The following ILKAP variants were observed in gnomAD, a reference collection of about 807,000 sequenced individuals.
ILKAP encodes the protein integrin-linked kinase-associated serine/threonine phosphatase 2C.
In ILKAP, 11 loss-of-function variants were observed where a neutral mutation model predicts 49.1. The observed-to-expected ratio is 0.22, with a 90% confidence interval of 0.14 to 0.37. The LOEUF is 0.37. Among genes scored for constraint, ILKAP ranks in the 10% least tolerant of loss-of-function variants. The pLI is 1.00. For synonymous variants in ILKAP, 186 were observed against 192.8 expected (o/e 0.96, Z 0.29); for missense variants, 363 against 510.8 (o/e 0.71, Z 2.79).
At chr2:238,183,464 A>G (rs555223575) in intron 8 of ILKAP, among the ~76,000 whole-genome samples, 189 bp downstream of exon 8, 2 of 152,352 alleles carry the variant, frequency 1.3e-5, no homozygotes, top group East Asian at 3.9e-4. Flanking sequence ...CCCAGAGAAC[A>G]AACAGCCTCT....
intron 2 of ILKAP, 23 bp downstream of exon 2, chr2:238,194,782 C>T: frequency 6.2e-7 from 1 of 1,612,030 alleles, no homozygotes; most frequent in Non-Finnish European, 8.5e-7. Context: ...TGACACACAC[C>T]TGGGAGAGCC....
At chr2:238,196,883 C>T (rs768669743) in intron 1 of ILKAP, among the ~76,000 whole-genome samples, 2 of 152,148 alleles carry the variant, frequency 1.3e-5, no homozygotes, top group Admixed American at 1.3e-4. Flanking sequence ...TAGAAGTATA[C>T]AAGAAGCAGA....
chr2:238,202,046 G>T (rs971766226), intron 1 of ILKAP, among the ~76,000 whole-genome samples: 1 of 152,090 alleles, frequency 6.6e-6, no homozygotes, highest in Non-Finnish European at 1.5e-5. Context: ...CCAACATGGT[G>T]AAACCCCGTC....
chr2:238,173,395 C>T (rs1238753134), intron 10 of ILKAP, 139 bp downstream of exon 10: 8 of 1,115,276 alleles, frequency 7.2e-6, no homozygotes, highest in African/African-American at 6.3e-5. Context: ...GCAGAAACCA[C>T]ATTTTGTTTA....
rs746224552 is a variant in ILKAP, at chr2:238,197,526, G to T, written c.56-2656C>A. On this transcript the variant is annotated intron_variant, in intron 1 of 11. Transcript: ENST00000254654. Reference sequence around the variant, plus strand: ...CCCATCTAAATCAGGTCTTTCCACTGCCACTGTACAAGGGAGGAAGTCTTC... The same window carrying T: ...CCCATCTAAATCAGGTCTTTCCACTTCCACTGTACAAGGGAGGAAGTCTTC... Among the ~76,000 whole-genome samples the T allele has an allele frequency of 5.5e-4, 83 of 152,152 alleles. 2 individuals carry two copies. Among genetic ancestry groups the T allele is most frequent in the Admixed American group, 3.3e-4 (5 of 15,264 alleles).
intron 1 of ILKAP, among the ~76,000 whole-genome samples, chr2:238,197,672 G>T (rs944605933): frequency 6.6e-6 from 1 of 152,082 alleles, no homozygotes; most frequent in African/African-American, 2.4e-5. Context: ...GTCAGATGGT[G>T]CCCCAAACTG....
intron 1 of ILKAP, 145 bp from the exon 2 acceptor site, chr2:238,195,015 A>G: frequency 1.6e-6 from 1 of 623,324 alleles, no homozygotes. Flanking sequence ...CAAATTTTTA[A>G]AACATATTTT....
chr2:238,184,604 G>A (rs527275639), intron 6 of ILKAP, among the ~76,000 whole-genome samples: 1 of 151,968 alleles, frequency 6.6e-6, no homozygotes, highest in African/African-American at 2.4e-5. Context: ...CTGTCACCCA[G>A]GCTGCAGTGC....
At chr2:238,176,784 T>TA (rs1559289526) in intron 9 of ILKAP, among the ~76,000 whole-genome samples, 1 of 152,222 alleles carries the variant, frequency 6.6e-6, no homozygotes, top group African/African-American at 2.4e-5. Flanking sequence ...TGCATGTCAG[T>TA]AAAAGCAAGA....
chr2:238,178,314 TG>T (rs1238407363), intron 9 of ILKAP, among the ~76,000 whole-genome samples: 27 of 152,352 alleles, frequency 1.8e-4, no homozygotes, highest in Non-Finnish European at 3.7e-4. Flanking sequence ...CCCGAGTGGC[TG>T]GGACCACAGG....
rs771011333 is a variant in ILKAP at position 238,188,169 on chromosome 2, G to A, written c.387C>T (p.Asn129=). The A allele has an allele frequency of 6.2e-6, 10 of 1,613,958 alleles. No individual in the cohort carries two copies. The highest frequency in any genetic ancestry group is 3.3e-5 in the Admixed American group (2 of 59,996). Residue 129 remains asparagine (N), a synonymous_variant, in exon 5 of 12, where the codon AAC becomes AAT. Transcript: ENST00000254654. ...GGGGCCTACACTCCTCGGTGATGTC[G>A]TTCAGGATGACGTGGGCATCCTGCA... ...EEMQDAHVIL[N]DITEECRPPS... is the part of the protein sequence containing the mutation.
At chr2:238,172,317 G>A (rs1183185698) in intron 10 of ILKAP, among the ~76,000 whole-genome samples, 4 of 152,216 alleles carry the variant, frequency 2.6e-5, no homozygotes, top group African/African-American at 7.2e-5. Context: ...CTCCCAAAGT[G>A]TTGGGATTAC....
At chr2:238,200,192 G>A (rs1291916923) in intron 1 of ILKAP, among the ~76,000 whole-genome samples, 2 of 135,950 alleles carry the variant, frequency 1.5e-5, no homozygotes, top group Non-Finnish European at 3.3e-5. Flanking sequence ...TGCCTGATAT[G>A]AACAAACACT....
chr2:238,193,506 C>T (rs1386785117), intron 3 of ILKAP, among the ~76,000 whole-genome samples: 1 of 152,222 alleles, frequency 6.6e-6, no homozygotes, highest in Non-Finnish European at 1.5e-5. Context: ...TAGGCGTGAG[C>T]CACCACGCCC....
rs1390471731 is a variant in ILKAP, at chr2:238,203,671, G to C, written c.-118C>G. 3 of 454,918 alleles carry C rather than the reference G, an allele frequency of 6.6e-6. No individual in the cohort carries two copies. Among genetic ancestry groups the C allele is most frequent in the Non-Finnish European group, 9.5e-6 (3 of 317,162 alleles). 28.2% of individuals were successfully genotyped at this position (454,918 alleles called of 1,614,324 possible). On this transcript the variant is annotated 5_prime_UTR_variant, in exon 1 of 12. Coordinates refer to ENST00000254654, the MANE Select transcript of ILKAP (RefSeq NM_030768.3). ...CGGGCGACGGGCAGGGGCGGCCGGC[G>C]CCGTCAGTCACCTGCAGGGAGAGTC...
intron 1 of ILKAP, among the ~76,000 whole-genome samples, chr2:238,202,531 AAC>A (rs1694611779): frequency 6.6e-6 from 1 of 152,180 alleles, no homozygotes; most frequent in Admixed American, 6.5e-5. Context: ...GGGATTTAGT[AAC>A]AGATTCGGAA....
At position 238,189,841 on chromosome 2, in the gene ILKAP, TTGTC is replaced by T; in HGVS notation, c.298+8_298+11del. On this transcript the variant is annotated splice_region_variant and intron_variant, in intron 4 of 11. Transcript: ENST00000254654. ...GAAGTCTAATACATTTGTTTTCAAA[TTGTC>T]TGAAAACCTTTACAAACTTTCTTTT... 6.2e-7 allele frequency: 1 copy of T among 1,612,448 alleles called. No individual in the cohort carries two copies. The highest frequency in any genetic ancestry group is 8.5e-7 in the Non-Finnish European group (1 of 1,178,972).
At chr2:238,189,543 A>G (rs969620275) in intron 4 of ILKAP, 1 of 183,164 alleles carries the variant, frequency 5.5e-6, no homozygotes, top group African/African-American at 2.4e-5. Context: ...GAAGTCAGAG[A>G]GAGACTAGGT....
chr2:238,196,781 G>A (rs1173766714), intron 1 of ILKAP, among the ~76,000 whole-genome samples: 4 of 152,170 alleles, frequency 2.6e-5, no homozygotes, highest in Admixed American at 1.3e-4. Flanking sequence ...ATACAAATGG[G>A]AAAATGTATT....
Sources: gnomAD v4.1 joint callset for allele counts (sites outside exome capture counted in the v4.1 genomes callset) on GRCh38, gnomAD v4.1.1 for gene constraint, MANE v1.5 for transcripts, NCBI Gene and HGNC (gene_info 2026-07-23, HGNC 2026-07-21) for gene names.